The following DPP10 variants were observed in gnomAD, a reference collection of about 807,000 sequenced individuals.
DPP10 encodes the protein dipeptidyl peptidase like 10, also known as inactive dipeptidyl peptidase 10.
A neutral mutation model predicts 120.9 loss-of-function variants in DPP10; 33 were observed. That is an observed-to-expected ratio of 0.27 (90% CI 0.21 to 0.37). The LOEUF (loss-of-function observed/expected upper bound fraction) is 0.37, where lower values mean the gene tolerates loss of function less well. DPP10 is among the 10% of genes least tolerant of loss of function. The pLI is 1.00. For synonymous variants in DPP10, 337 were observed against 326.1 expected (o/e 1.03, Z -0.36); for missense variants, 816 against 942.8 (o/e 0.87, Z 1.76).
intron 1 of DPP10, among the ~76,000 whole-genome samples, chr2:114,940,556 C>CAAA (rs765537282): frequency 3.7e-5 from 4 of 107,220 alleles, no homozygotes; most frequent in Non-Finnish European, 8.1e-5. Flanking sequence ...GACCACTCAG[C>CAAA]AAAAAAAAAA....
intron 3 of DPP10, among the ~76,000 whole-genome samples, chr2:115,426,080 G>A (rs1574808957): frequency 1.3e-5 from 2 of 148,270 alleles, no homozygotes; most frequent in Admixed American, 1.4e-4. Context: ...TTCTCACCAG[G>A]TGCCACCTCC....
chr2:115,150,949 A>G (rs2051507771), intron 1 of DPP10, among the ~76,000 whole-genome samples: 2 of 152,200 alleles, frequency 1.3e-5, no homozygotes, highest in Admixed American at 1.3e-4. Flanking sequence ...TGGCTACTAA[A>G]AAATTTAAAA....
intron 7 of DPP10, among the ~76,000 whole-genome samples, chr2:115,719,512 A>G (rs1559070959): frequency 1.3e-5 from 2 of 152,194 alleles, no homozygotes; most frequent in Non-Finnish European, 2.9e-5. Flanking sequence ...TTTATAACCA[A>G]CAGAGAGATT....
At chr2:114,653,997 G>A (rs1487403431) in intron 1 of DPP10, among the ~76,000 whole-genome samples, 1 of 152,056 alleles carries the variant, frequency 6.6e-6, no homozygotes, top group Admixed American at 6.6e-5. Flanking sequence ...CAAAAGTCTT[G>A]TTGATGTTAT....
intron 1 of DPP10, among the ~76,000 whole-genome samples, chr2:114,684,313 T>A (rs1699228377): frequency 6.6e-6 from 1 of 151,970 alleles, no homozygotes; most frequent in Non-Finnish European, 1.5e-5. Flanking sequence ...GGAGTTGGTT[T>A]CACTCTACCA....
At chr2:115,608,633 A>C (rs921259400) in intron 5 of DPP10, among the ~76,000 whole-genome samples, 1 of 152,168 alleles carries the variant, frequency 6.6e-6, no homozygotes, top group Non-Finnish European at 1.5e-5. Context: ...TGTGATAAGA[A>C]GTTCCAACAA....
At chr2:115,282,196 A>G (rs994902260) in intron 1 of DPP10, among the ~76,000 whole-genome samples, 2 of 152,100 alleles carry the variant, frequency 1.3e-5, no homozygotes, top group Non-Finnish European at 2.9e-5. Flanking sequence ...ACAGAATTTA[A>G]GAAAATGAAC....
At chr2:115,540,091 A>G (rs1471051481) in intron 5 of DPP10, among the ~76,000 whole-genome samples, 1 of 151,900 alleles carries the variant, frequency 6.6e-6, no homozygotes, top group Admixed American at 6.6e-5. Context: ...GAAATGTAGA[A>G]TATAATTAGC....
chr2:115,786,942 C>CA (rs1367227392), intron 17 of DPP10, among the ~76,000 whole-genome samples: 2 of 152,146 alleles, frequency 1.3e-5, no homozygotes, highest in African/African-American at 2.4e-5. Flanking sequence ...TGAGTGTGGG[C>CA]AATGCCGGAG....
intron 3 of DPP10, among the ~76,000 whole-genome samples, chr2:115,378,064 A>G (rs2065958706): frequency 1.3e-5 from 2 of 152,126 alleles, no homozygotes; most frequent in African/African-American, 4.8e-5. Flanking sequence ...ATGAACTTTA[A>G]AGTAGTTTTT....
At chr2:114,937,769 G>C (rs946375029) in intron 1 of DPP10, among the ~76,000 whole-genome samples, 3 of 152,108 alleles carry the variant, frequency 2.0e-5, no homozygotes. Context: ...CGGAAGCTAA[G>C]CAAGGTCGGG....
In DPP10 at chr2:114,721,308, T is replaced by C. The variant is rs1017808308; in HGVS notation, c.60+278470T>C. Among the ~76,000 whole-genome samples the C allele has an allele frequency of 4.9e-4, 75 of 152,352 alleles. No homozygotes were observed. The Middle Eastern group carries it at 0.01, about 21-fold the overall frequency. On this transcript the variant is annotated intron_variant, in intron 1 of 25. Coordinates refer to ENST00000410059, the MANE Select transcript of DPP10 (RefSeq NM_020868.6). The stretch of plus-strand genomic sequence containing the variant: ...CATGGGCCTTCCCATTGCATCCTTA[T>C]AAACAAAAGATTTTGTCAAAGTTGA...
intron 3 of DPP10, among the ~76,000 whole-genome samples, chr2:115,368,953 G>A (rs992419764): frequency 9.2e-5 from 14 of 151,556 alleles, no homozygotes; most frequent in African/African-American, 2.7e-4. Context: ...TGCTATCTGC[G>A]CTTTATTTTA....
chr2:115,140,217 GCA>G (rs1163025169), intron 1 of DPP10, among the ~76,000 whole-genome samples: 1 of 152,152 alleles, frequency 6.6e-6, no homozygotes, highest in African/African-American at 2.4e-5. Context: ...GATCTTCCAG[GCA>G]CAGTGACATT....
intron 5 of DPP10, among the ~76,000 whole-genome samples, chr2:115,603,333 G>A (rs1465782452): frequency 3.6e-4 from 22 of 60,702 alleles, no homozygotes; most frequent in Non-Finnish European, 5.9e-4. Flanking sequence ...CCCACCCCCC[G>A]CCCCGCCACC....
intron 1 of DPP10, among the ~76,000 whole-genome samples, chr2:115,233,304 C>G (rs1052446566): frequency 6.6e-6 from 1 of 152,026 alleles, no homozygotes; most frequent in Non-Finnish European, 1.5e-5. Flanking sequence ...ACTGTTCCCA[C>G]TGTGCTTCCC....
At chr2:114,860,119 T>C (rs1689695756) in intron 1 of DPP10, among the ~76,000 whole-genome samples, 1 of 152,198 alleles carries the variant, frequency 6.6e-6, no homozygotes, top group African/African-American at 2.4e-5. Flanking sequence ...TGGCTTTTTA[T>C]CCCAACCTAC....
At chr2:114,759,465 CTT>C (rs199772151) in intron 1 of DPP10, among the ~76,000 whole-genome samples, 5 of 145,864 alleles carry the variant, frequency 3.4e-5, no homozygotes, top group Admixed American at 2.7e-4. Flanking sequence ...TGCTGTAAAT[CTT>C]TTTTTTTTTT....
intron 5 of DPP10, among the ~76,000 whole-genome samples, chr2:115,538,088 C>T (rs750459778): frequency 2.6e-5 from 4 of 152,044 alleles, no homozygotes; most frequent in Non-Finnish European, 4.4e-5. Context: ...GTGTGTCACA[C>T]AGGCACAGCT....
Sources: gnomAD v4.1 joint callset for allele counts (sites outside exome capture counted in the v4.1 genomes callset) on GRCh38, gnomAD v4.1.1 for gene constraint, MANE v1.5 for transcripts, NCBI Gene and HGNC (gene_info 2026-07-23, HGNC 2026-07-21) for gene names.